TEP1: variants seen among roughly 807,000 people sequenced by gnomAD.
TEP1 encodes telomerase associated protein 1, also known as telomerase protein component 1.
In TEP1, 241 loss-of-function variants were observed where a neutral mutation model predicts 306.3. The observed-to-expected ratio is 0.79, with a 90% CI of 0.71 to 0.88. The LOEUF (loss-of-function observed/expected upper bound fraction) is 0.88. TEP1 is among the 40% of genes least tolerant of loss of function. TEP1 has a pLI of 0.00. For missense variants in TEP1, 3,051 were observed against 3,276.1 expected (o/e 0.93, Z 1.68); for synonymous variants, 1,289 against 1,305.5 (o/e 0.99, Z 0.27).
chr14:20,380,337 T>G lies in TEP1; in HGVS notation c.4901A>C (p.Asp1634Ala). ...CGAGGCTTGGTGGCAAAGAGGTGAG[T>G]CCAGGGGCTGGTTGGCTGCCTGCTG... ...LPQQAANQPL[D>A]SPLCHQASLL... is the part of the protein sequence containing the mutation. The change falls in exon 34 of 55, where the codon GAC becomes GCC. Residue 1634 changes from aspartate to alanine, a missense_variant. By Grantham distance (126) the Asp-to-Ala change is moderately radical. Transcript: ENST00000262715. 1 of 1,614,098 alleles carries G rather than the reference T, an allele frequency of 6.2e-7. No individual in the cohort carries two copies. The highest frequency in any genetic ancestry group is 8.5e-7 in the Non-Finnish European group (1 of 1,180,030).
Position 20,373,360 on chromosome 14 carries a change from G to A in TEP1, c.6724C>T (p.Arg2242Cys), listed in dbSNP as rs138589824. 1.6e-4 allele frequency: 261 copies of A among 1,614,060 alleles called. No homozygotes were observed. The highest frequency in any genetic ancestry group is 2.8e-4 in the African/African-American group (21 of 74,922). ...GAGGTTTCTGAAACAGCAGCAGCACGGACTGGGCCGCTGTGTCCCAGGAGG... is the reference window on the plus strand; with the variant it reads ...GAGGTTTCTGAAACAGCAGCAGCACAGACTGGGCCGCTGTGTCCCAGGAGG... ...HTLLGHSGPV[R>C]AAAVSETSGL... The change falls in exon 47 of 55, where the codon CGT becomes TGT. Residue 2242 changes from arginine (R) to cysteine (C), a missense_variant. Transcript: ENST00000262715.
intron 41 of TEP1, among the ~76,000 whole-genome samples, chr14:20,376,568 C>T (rs1160946298): frequency 1.3e-5 from 2 of 152,254 alleles, no homozygotes; most frequent in Non-Finnish European, 2.9e-5. Context: ...GACCCCTCCT[C>T]TTCTCAAGTG....
At position 20,384,190 on chromosome 14, in the gene TEP1, C is replaced by A; in HGVS notation, c.3382G>T (p.Asp1128Tyr). The change falls in exon 24 of 55, where the codon GAC (aspartate) becomes TAC (tyrosine). Residue 1128 changes from aspartate (D) to tyrosine (Y), a missense_variant. Coordinates refer to ENST00000262715, the MANE Select transcript of TEP1 (RefSeq NM_007110.5). The part of the protein sequence containing the change: ...LEQPVSIPDD[D>Y]LVQATFQQLQ... ...TGCTGGAAGGTGGCCTGGACCAAGT[C>A]ATCGTCTGGGATGGACACTGGCTGC... 6.2e-7 allele frequency: 1 copy of A among 1,614,192 alleles called. No homozygotes were observed. Among genetic ancestry groups the A allele is most frequent in the Non-Finnish European group, 8.5e-7 (1 of 1,180,026 alleles).
rs1484115061 is a variant in TEP1 at position 20,396,798 on chromosome 14, A to G, written c.1550-68T>C. On this transcript the variant is annotated intron_variant, in intron 9 of 54. Coordinates refer to ENST00000262715, the MANE Select transcript of TEP1 (RefSeq NM_007110.5). ...GCCAGGCACAGTGGCATGCACCTAT[A>G]ATCTCAGCTACCAAGGAGGCTGAGA... 52 of 1,118,962 alleles carry G rather than the reference A, an allele frequency of 4.6e-5. No homozygotes were observed. In the East Asian group the frequency reaches 1.1e-3, roughly 24 times the overall value. 69.3% of individuals were successfully genotyped at this position (1,118,962 alleles called of 1,614,324 possible). A position where few individuals can be genotyped will look rare whatever the true frequency, so the allele number is the denominator to read the frequency against.
At position 20,367,368 on chromosome 14, in the gene TEP1, C is replaced by CTA. The variant is rs1884530810; in HGVS notation, c.*1068_*1069insTA. On this transcript the variant is annotated 3_prime_UTR_variant, in exon 55 of 55. Transcript: ENST00000262715. ...ACAGAGCCAGACTCTATCTCAAAAA[C>CTA]AAAAAAAAAAAAAAAAGGTTTTTTA... The CTA allele has an allele frequency of 2.0e-5, 2 of 101,656 alleles. No individual in the cohort carries two copies. Among genetic ancestry groups the CTA allele is most frequent in the Admixed American group, 1.0e-4 (1 of 9,696 alleles). 6.3% of individuals were successfully genotyped at this position (101,656 alleles called of 1,614,324 possible). A position where few individuals can be genotyped will look rare whatever the true frequency, so the allele number is the denominator to read the frequency against.
intron 37 of TEP1, 72 bp from the exon 38 acceptor site, chr14:20,378,607 A>G: frequency 1.2e-6 from 2 of 1,605,256 alleles, no homozygotes; most frequent in Non-Finnish European, 1.7e-6. Context: ...GACCTCCAGG[A>G]GCAACCTTGT....
chr14:20,391,216 C>A, intron 13 of TEP1, 120 bp from the exon 14 acceptor site: 1 of 1,097,818 alleles, frequency 9.1e-7, no homozygotes. Context: ...AGTGTAAAAT[C>A]CCAAGTTAGG....
In TEP1 at chr14:20,380,277, AGT is replaced by A. The variant is rs765064981; in HGVS notation, c.4959_4960del (p.Leu1654ThrfsTer4). On this transcript the variant is annotated frameshift_variant, in exon 34 of 55. Transcript: ENST00000262715. LOFTEE classifies it high-confidence loss of function. Reference sequence around the variant, plus strand: ...GGTCCGGGGTTTATTAAGCCATCGTAGTGTGTGTTGGAGGTGCCATCTCCGGG... The same window carrying A: ...GGTCCGGGGTTTATTAAGCCATCGTAGTGTGTTGGAGGTGCCATCTCCGGG... 1 of 1,614,052 alleles carries A rather than the reference AGT, an allele frequency of 6.2e-7. No individual in the cohort carries two copies. Among genetic ancestry groups the A allele is most frequent in the South Asian group, 1.1e-5 (1 of 91,076 alleles).
At chr14:20,411,477 C>G (rs1566489954) in intron 1 of TEP1, among the ~76,000 whole-genome samples, 1 of 152,134 alleles carries the variant, frequency 6.6e-6, no homozygotes, top group East Asian at 1.9e-4. Flanking sequence ...ACACCAAGCC[C>G]CAGTCTGATT....
chr14:20,379,041 G>C lies in TEP1; in HGVS notation c.5192C>G (p.Thr1731Arg). 1 of 1,614,224 alleles carries C rather than the reference G, an allele frequency of 6.2e-7. No individual in the cohort carries two copies. Among genetic ancestry groups the C allele is most frequent in the South Asian group, 1.1e-5 (1 of 91,082 alleles). The change falls in exon 36 of 55, where the codon ACA (threonine) becomes AGA (arginine). Residue 1731 changes from threonine to arginine, a missense_variant. By Grantham distance (71) the Thr-to-Arg change is moderately conservative. This residue lies in a region of TEP1 where 1,540 missense variants were observed against 1,705.9 expected (regional missense o/e 0.90). Transcript: ENST00000262715. ...CCCGTCGAAGGCAGTAAGAAAGAGTGTATCATCGGAGAGGAACAAACAAGC... is the reference window on the plus strand; with the variant it reads ...CCCGTCGAAGGCAGTAAGAAAGAGTCTATCATCGGAGAGGAACAAACAAGC... ...ISACLFLSDD[T>R]LFLTAFDGLL... is the part of the protein sequence containing the mutation.
At chr14:20,409,298 T>C (rs369530861) in intron 1 of TEP1, among the ~76,000 whole-genome samples, 3 of 152,356 alleles carry the variant, frequency 2.0e-5, no homozygotes, top group South Asian at 4.1e-4. Flanking sequence ...CTAGATCTTC[T>C]GAGGGATTCT....
chr14:20,403,551 A>G (rs914934487), intron 6 of TEP1, 103 bp from the exon 7 acceptor site: 18 of 1,591,872 alleles, frequency 1.1e-5, no homozygotes, highest in Non-Finnish European at 1.3e-5. Context: ...AAGGAAGCCA[A>G]CTAGAAAAGA....
rs1425736935 is a variant in TEP1, at chr14:20,384,615, C to T, written c.3206G>A (p.Gly1069Glu). The T allele has an allele frequency of 3.1e-6, 5 of 1,614,078 alleles. No individual in the cohort carries two copies. The highest frequency in any genetic ancestry group is 4.2e-6 in the Non-Finnish European group (5 of 1,180,030). ...ELKSYLSRQK[G>E]ITCRRYPCEW... Reference sequence around the variant, plus strand: ...CTCAGCTCACCTGCGGCAGGTGATCCCTTTCTGTCTGCTTAGGTAGCTCTT... The same window carrying T: ...CTCAGCTCACCTGCGGCAGGTGATCTCTTTCTGTCTGCTTAGGTAGCTCTT... The change falls in exon 22 of 55, where the codon GGG becomes GAG. Residue 1069 changes from glycine to glutamate, a missense_variant. Physicochemically the swap from Gly to Glu is moderately conservative, Grantham distance 98. Transcript: ENST00000262715.
chr14:20,395,820 G>A (rs1379763639), intron 11 of TEP1, 39 bp downstream of exon 11: 7 of 1,588,050 alleles, frequency 4.4e-6, no homozygotes, highest in Admixed American at 1.7e-5. Flanking sequence ...ATTGTCAGAT[G>A]TGGGAGGCAA....
In TEP1 at chr14:20,404,676, G is replaced by A. The variant is rs1341590558; in HGVS notation, c.967C>T (p.Arg323Ter). Residue 323 changes from arginine (R) to a stop codon, truncating the protein, a stop_gained, in exon 5 of 55, where the codon CGA becomes TGA. Transcript: ENST00000262715. LOFTEE classifies it high-confidence loss of function. The part of the protein sequence containing the change: ...AFLPACRPHL[R>*]RYFCAIVQLP... Reference sequence around the variant, plus strand: ...TGGACAATGGCACAGAAATATCGTCGCAGGTGGGGGCGACACGCCGGCAAG... The same window carrying A: ...TGGACAATGGCACAGAAATATCGTCACAGGTGGGGGCGACACGCCGGCAAG... The A allele has an allele frequency of 6.8e-6, 11 of 1,614,042 alleles. No homozygotes were observed. The highest frequency in any genetic ancestry group is 3.3e-4 in the Middle Eastern group (2 of 6,084).
At chr14:20,410,056 A>AAAAAAAAT (rs1879533051) in intron 1 of TEP1, among the ~76,000 whole-genome samples, 2 of 138,898 alleles carry the variant, frequency 1.4e-5, no homozygotes, top group African/African-American at 2.6e-5. Flanking sequence ...AAAAAAAAAA[A>AAAAAAAAT]TGCCTACCTC....
chr14:20,385,248 A>T, intron 20 of TEP1, 139 bp from the exon 21 acceptor site: 1 of 1,019,446 alleles, frequency 9.8e-7, no homozygotes, highest in Non-Finnish European at 1.4e-6. Context: ...AATATAGCTA[A>T]TAGCTAATGT....
Position 20,408,000 on chromosome 14 carries a change from C to T in TEP1, c.440G>A (p.Ser147Asn), listed in dbSNP as rs1263357478. The T allele has an allele frequency of 6.2e-7, 1 of 1,614,192 alleles. No homozygotes were observed. The highest frequency in any genetic ancestry group is 2.2e-5 in the East Asian group (1 of 44,878). Reference protein sequence around the residue: ...TQADLYRVNNSNCLLSEPPSW... With the variant: ...TQADLYRVNNNNCLLSEPPSW... The stretch of plus-strand genomic sequence containing the variant: ...TGGAGGCTCAGAGAGCAGGCAATTG[C>T]TGTTGTTCACACGGTACAAATCAGC... The change falls in exon 2 of 55, where the codon AGC becomes AAC. Residue 147 changes from serine (S) to asparagine (N), a missense_variant. Coordinates refer to ENST00000262715, the MANE Select transcript of TEP1 (RefSeq NM_007110.5).
chr14:20,394,641 G>T (rs978656480), intron 12 of TEP1, among the ~76,000 whole-genome samples: 8 of 152,046 alleles, frequency 5.3e-5, no homozygotes, highest in African/African-American at 1.9e-4. Flanking sequence ...CACCACACCC[G>T]GCTAATTTTT....
Sources: allele counts gnomAD v4.1 joint callset (sites outside exome capture counted in the v4.1 genomes callset), GRCh38; gene constraint gnomAD v4.1.1; regional missense constraint gnomAD v4.1.1; transcripts MANE v1.5; gene names NCBI Gene and HGNC (gene_info 2026-07-23, HGNC 2026-07-21).